Variants in UTP18 observed in about 807,000 individuals in gnomAD.
UTP18 encodes the protein UTP18 small subunit processome component.
In UTP18, 36 loss-of-function variants were observed where a neutral mutation model predicts 61.1. The ratio of observed to expected loss-of-function variants is 0.59; its 90% CI spans 0.45 to 0.78. The LOEUF (loss-of-function observed/expected upper bound fraction) is 0.78. Ranked by LOEUF, UTP18 falls within the 30% of genes least tolerant of loss-of-function variation. The pLI is 0.00. For missense variants in UTP18, 753 were observed against 693.9 expected, an observed-to-expected ratio of 1.09 and a Z score of -0.96; for synonymous variants, 282 against 251.1, an observed-to-expected ratio of 1.12 and a Z score of -1.16.
chr17:51,286,053 C>G (rs1353467175), intron 10 of UTP18, among the ~76,000 whole-genome samples: 2 of 152,078 alleles, frequency 1.3e-5, no homozygotes, highest in Non-Finnish European at 2.9e-5. Flanking sequence ...CTTAAAGATA[C>G]CTAAAGCATT....
chr17:51,287,063 A>G (rs117405131), intron 10 of UTP18, among the ~76,000 whole-genome samples: 2,349 of 143,106 alleles, frequency 0.016, 35 homozygotes, highest in Non-Finnish European at 0.022. Flanking sequence ...ATTTGCCTCT[A>G]TATGGGGCAA....
At chr17:51,290,343 A>C (rs1905210951) in intron 11 of UTP18, among the ~76,000 whole-genome samples, 1 of 152,032 alleles carries the variant, frequency 6.6e-6, no homozygotes, top group Non-Finnish European at 1.5e-5. Context: ...TTGAGCCTGG[A>C]AGGTGGAGGT....
chr17:51,271,163 C>T (rs1020914230), intron 4 of UTP18, among the ~76,000 whole-genome samples: 1 of 152,118 alleles, frequency 6.6e-6, no homozygotes, highest in Non-Finnish European at 1.5e-5. Flanking sequence ...TTGTATTTTG[C>T]TTAGACTTCA....
intron 13 of UTP18, among the ~76,000 whole-genome samples, 194 bp downstream of exon 13, chr17:51,297,197 A>C (rs1032222864): frequency 6.6e-6 from 1 of 152,122 alleles, no homozygotes; most frequent in African/African-American, 2.4e-5. Context: ...ATCCCAAATC[A>C]CAGCAATCTG....
intron 6 of UTP18, 85 bp downstream of exon 6, chr17:51,276,076 C>G: frequency 1.0e-5 from 14 of 1,338,200 alleles, no homozygotes; most frequent in Non-Finnish European, 1.3e-5. Flanking sequence ...TGCAAAAATA[C>G]TGAAAAAGAT....
At chr17:51,285,983 A>G (rs974426444) in intron 10 of UTP18, among the ~76,000 whole-genome samples, 3 of 152,190 alleles carry the variant, frequency 2.0e-5, no homozygotes, top group Non-Finnish European at 4.4e-5. Context: ...GTTTTCCTAT[A>G]ATTATTTTCA....
At chr17:51,284,749 A>G (rs543520758) in intron 9 of UTP18, among the ~76,000 whole-genome samples, 2 of 152,194 alleles carry the variant, frequency 1.3e-5, no homozygotes, top group African/African-American at 4.8e-5. Flanking sequence ...TTTCTTTTGT[A>G]TATGTGAATG....
In UTP18 at chr17:51,282,282, T is replaced by C. The variant is rs970538513; in HGVS notation, c.1204+1803T>C. ...TAAAATTAATAGCATTAATTAAAAT[T>C]ATTTTTTAACTTTTAAAAAGGATTA... On this transcript the variant is annotated intron_variant, in intron 9 of 13. Coordinates refer to ENST00000225298, the MANE Select transcript of UTP18 (RefSeq NM_016001.3). 3.3e-5 allele frequency among the ~76,000 whole-genome samples: 5 copies of C among 152,360 alleles called. No homozygotes were observed. In the South Asian group the frequency reaches 1.0e-3, roughly 32 times the overall value.
intron 11 of UTP18, among the ~76,000 whole-genome samples, chr17:51,292,954 T>C (rs1238358005): frequency 2.0e-5 from 3 of 152,220 alleles, no homozygotes; most frequent in Non-Finnish European, 4.4e-5. Context: ...GTATATACAA[T>C]AGTTGAAAAT....
chr17:51,269,641 C>T (rs1161470987), intron 4 of UTP18, among the ~76,000 whole-genome samples: 2 of 152,044 alleles, frequency 1.3e-5, no homozygotes, highest in Non-Finnish European at 2.9e-5. Flanking sequence ...TACGTAAATG[C>T]AGGGAGTCCA....
rs2055438496 is a variant in UTP18, at chr17:51,260,812, C to T, written c.228C>T (p.Asn76=). ...AAGAGAGACGGCTCCGGCAGCGGAACCGCCTGAGGCTGGAGGAGGACAAAC... is the reference window on the plus strand; with the variant it reads ...AAGAGAGACGGCTCCGGCAGCGGAATCGCCTGAGGCTGGAGGAGGACAAAC... ...AEEERRLRQR[N]RLRLEEDKPA... Residue 76 remains asparagine, a synonymous_variant, in exon 1 of 14, where the codon AAC becomes AAT. Transcript: ENST00000225298. The T allele has an allele frequency of 6.3e-7, 1 of 1,589,042 alleles. No individual in the cohort carries two copies. Among genetic ancestry groups the T allele is most frequent in the Non-Finnish European group, 8.6e-7 (1 of 1,169,090 alleles).
chr17:51,285,627 C>G (rs1403693193), intron 10 of UTP18, among the ~76,000 whole-genome samples: 2 of 152,136 alleles, frequency 1.3e-5, no homozygotes, highest in Admixed American at 6.5e-5. Context: ...AATCTGAAAT[C>G]TATGTAAGAT....
At chr17:51,276,903 G>A (rs1904739738) in intron 6 of UTP18, among the ~76,000 whole-genome samples, 1 of 152,182 alleles carries the variant, frequency 6.6e-6, no homozygotes, top group South Asian at 2.1e-4. Context: ...CAGCACCTCC[G>A]TGTGTTCAGC....
intron 1 of UTP18, 29 bp downstream of exon 1, chr17:51,260,955 G>T: frequency 6.8e-7 from 1 of 1,467,986 alleles, no homozygotes; most frequent in Non-Finnish European, 9.0e-7. Flanking sequence ...CGCGGGCTGG[G>T]CGCACTCGGG....
chr17:51,297,359 C>CT, intron 13 of UTP18, among the ~76,000 whole-genome samples: 1 of 152,286 alleles, frequency 6.6e-6, no homozygotes, highest in East Asian at 1.9e-4. Flanking sequence ...CTTGAATCCT[C>CT]TTATTATATA....
intron 2 of UTP18, among the ~76,000 whole-genome samples, chr17:51,265,084 A>G (rs1455518676): frequency 1.3e-5 from 2 of 152,012 alleles, no homozygotes; most frequent in Non-Finnish European, 2.9e-5. Flanking sequence ...TCAAACCTTT[A>G]TATGTTAGAT....
intron 3 of UTP18, among the ~76,000 whole-genome samples, chr17:51,266,889 C>T (rs1163504564): frequency 2.0e-5 from 3 of 152,120 alleles, no homozygotes; most frequent in Non-Finnish European, 2.9e-5. Context: ...GGTAGGATCT[C>T]ACTCTGTCAC....
chr17:51,289,940 A>C (rs1025804559), intron 11 of UTP18, among the ~76,000 whole-genome samples: 1 of 152,062 alleles, frequency 6.6e-6, no homozygotes, highest in Non-Finnish European at 1.5e-5. Flanking sequence ...TAGATTCCAC[A>C]TTTTTTTCTA....
chr17:51,268,182 C>T (rs1397823917), intron 3 of UTP18, among the ~76,000 whole-genome samples: 2 of 151,912 alleles, frequency 1.3e-5, no homozygotes, highest in Non-Finnish European at 2.9e-5. Context: ...CCTGCCAACA[C>T]GCCCAGCTAA....
Sources: allele counts gnomAD v4.1 joint callset (sites outside exome capture counted in the v4.1 genomes callset), GRCh38; gene constraint gnomAD v4.1.1; transcripts MANE v1.5; gene names NCBI Gene and HGNC (gene_info 2026-07-23, HGNC 2026-07-21).